Variants in SYTL4 observed in about 807,000 individuals in gnomAD.
The protein encoded by SYTL4 is synaptotagmin like 4, also known as synaptotagmin-like protein 4.
In SYTL4, 16 loss-of-function variants were observed where a neutral mutation model predicts 52.7. That is an observed-to-expected ratio of 0.30 (90% CI 0.21 to 0.46). The LOEUF is 0.46. SYTL4 is among the 20% of genes least tolerant of loss of function. The probability of loss-of-function intolerance (pLI) is 1.00; values close to 1 mark genes in which losing one functional copy is unlikely to be tolerated. For missense variants in SYTL4, 423 were observed against 519.9 expected (o/e 0.81, Z 1.81); for synonymous variants, 160 against 186.6 (o/e 0.86, Z 1.16).
At position 100,690,135 on chromosome X, in the gene SYTL4, A is replaced by T. The variant is rs551180010; in HGVS notation, c.748T>A (p.Phe250Ile). Reference protein sequence around the residue: ...ETQPGGQNVVFVDEGEMIFKK... With the variant: ...ETQPGGQNVVIVDEGEMIFKK... ...AATATCATCTCACCCTCATCCACAA[A>T]TACCACATTTTGACCTCCAGGCTGA... Residue 250 changes from phenylalanine to isoleucine, a missense_variant, in exon 11 of 20, where the codon TTT becomes ATT. Physicochemically the swap from Phe to Ile is conservative, Grantham distance 21. Transcript: ENST00000372989. 405 of 1,208,801 alleles carry T rather than the reference A, an allele frequency of 3.4e-4. No homozygotes were observed. In the South Asian group the frequency reaches 6.7e-3, roughly 20 times the overall value.
rs745568196 is a variant in SYTL4, at chrX:100,695,553, A to C, written c.540-4344T>G. On this transcript the variant is annotated intron_variant, in intron 8 of 19. Coordinates refer to ENST00000372989, the MANE Select transcript of SYTL4 (RefSeq NM_001370165.1). The stretch of plus-strand genomic sequence containing the variant: ...GGGGCCTCATCACCTGGAACGGATG[A>C]GTCACCCACCCAAGGCTGTGTAGAT... Among the ~76,000 whole-genome samples the C allele has an allele frequency of 4.8e-3, 541 of 111,955 alleles. 1 individual carries two copies. Among genetic ancestry groups the C allele is most frequent in the Non-Finnish European group, 7.8e-3 (415 of 53,122 alleles).
In SYTL4 at chrX:100,675,547, G is replaced by C. The variant is rs2083261765; in HGVS notation, c.*481C>G. On this transcript the variant is annotated 3_prime_UTR_variant, in exon 20 of 20. Coordinates refer to ENST00000372989, the MANE Select transcript of SYTL4 (RefSeq NM_001370165.1). Reference sequence around the variant, plus strand: ...AAGCATAAATTGGAGAGGAGAAAGAGGAAGGAACTACTCACCTCTCCCCAA... The same window carrying C: ...AAGCATAAATTGGAGAGGAGAAAGACGAAGGAACTACTCACCTCTCCCCAA... The C allele has an allele frequency of 8.9e-6, 1 of 112,247 alleles. No homozygotes were observed. Among genetic ancestry groups the C allele is most frequent in the Non-Finnish European group, 1.9e-5 (1 of 53,566 alleles). The allele number at this position is 112,247 out of a possible 1,213,427, so 9.3% of individuals were successfully genotyped here. A position where few individuals can be genotyped will look rare whatever the true frequency, so the allele number is the denominator to read the frequency against.
chrX:100,690,445 G>A (rs1602784166), intron 10 of SYTL4, 118 bp downstream of exon 10: 2 of 310,593 alleles, frequency 6.4e-6, no homozygotes, highest in South Asian at 4.8e-5. Flanking sequence ...AGGGAGGGAA[G>A]AAAGAGGAAG....
intron 2 of SYTL4, among the ~76,000 whole-genome samples, chrX:100,721,838 A>G (rs1224554643): frequency 9.4e-6 from 1 of 106,930 alleles, no homozygotes; most frequent in Non-Finnish European, 1.9e-5. Context: ...CTTTTTCTCT[A>G]TTGCTCTGGC....
intron 16 of SYTL4, chrX:100,685,356 AG>A (rs1320499782): frequency 8.9e-6 from 1 of 112,149 alleles, no homozygotes; most frequent in East Asian, 2.8e-4. Flanking sequence ...CTGATAATCA[AG>A]AAGTTGCTGA....
intron 9 of SYTL4, 73 bp from the exon 10 acceptor site, chrX:100,690,711 A>ATAGAGCTT: frequency 2.5e-6 from 2 of 814,696 alleles, no homozygotes; most frequent in Non-Finnish European, 3.5e-6. Flanking sequence ...TCAAAGCTCT[A>ATAGAGCTT]TGGAAGGAGA....
At chrX:100,731,194 G>A (rs2084636537) in intron 2 of SYTL4, among the ~76,000 whole-genome samples, 1 of 111,512 alleles carries the variant, frequency 9.0e-6, no homozygotes, top group African/African-American at 3.3e-5. Flanking sequence ...TTAAGGGTTG[G>A]AGGAACACCT....
rs2083557479 is a variant in SYTL4 at position 100,689,865 on chromosome X, A to G, written c.903T>C (p.Asn301=). The change falls in exon 12 of 20, where the codon AAT becomes AAC. Residue 301 remains asparagine, a synonymous_variant. Coordinates refer to ENST00000372989, the MANE Select transcript of SYTL4 (RefSeq NM_001370165.1). ...GDRSKSVPGL[N]VDMEEEEEEE... Reference sequence around the variant, plus strand: ...ATATAAGGGCACCTACCATATCCACATTGAGGCCTGGGACGGATTTGCTTC... The same window carrying G: ...ATATAAGGGCACCTACCATATCCACGTTGAGGCCTGGGACGGATTTGCTTC... The G allele has an allele frequency of 8.4e-7, 1 of 1,196,802 alleles. No homozygotes were observed. Among genetic ancestry groups the G allele is most frequent in the African/African-American group, 1.8e-5 (1 of 56,565 alleles).
At chrX:100,723,582 C>G (rs2084393274) in intron 2 of SYTL4, among the ~76,000 whole-genome samples, 1 of 111,007 alleles carries the variant, frequency 9.0e-6, no homozygotes, top group Non-Finnish European at 1.9e-5. Context: ...TGGCCGCCAT[C>G]CCATCTAGGA....
chrX:100,692,850 T>C, intron 8 of SYTL4, among the ~76,000 whole-genome samples: 1 of 111,518 alleles, frequency 9.0e-6, no homozygotes, highest in East Asian at 2.8e-4. Context: ...TCCTCCTCTC[T>C]ATCTAGAATT....
At chrX:100,703,267 G>C (rs748798389) in intron 3 of SYTL4, 82 bp from the exon 4 acceptor site, 1 of 111,345 alleles carries the variant, frequency 9.0e-6, no homozygotes, top group Non-Finnish European at 1.9e-5. Flanking sequence ...TGAAGTGGGA[G>C]GATTGTTTGA....
At chrX:100,720,005 T>C (rs2084308943) in intron 2 of SYTL4, among the ~76,000 whole-genome samples, 1 of 112,102 alleles carries the variant, frequency 8.9e-6, no homozygotes, top group South Asian at 3.7e-4. Flanking sequence ...TCAGCAACTC[T>C]AGAAGGTGCC....
intron 18 of SYTL4, chrX:100,678,816 T>C: frequency 2.5e-6 from 1 of 408,120 alleles, no homozygotes; most frequent in Non-Finnish European, 4.3e-6. Context: ...AGAAAATGAA[T>C]ATAATAGTAT....
At chrX:100,703,430 A>G (rs1028734038) in intron 3 of SYTL4, among the ~76,000 whole-genome samples, 1 of 112,089 alleles carries the variant, frequency 8.9e-6, no homozygotes, top group African/African-American at 3.2e-5. Context: ...AACATCTCTG[A>G]TGTTGCTTTT....
chrX:100,690,484 A>C, intron 10 of SYTL4, 79 bp downstream of exon 10: 1 of 770,844 alleles, frequency 1.3e-6, no homozygotes, highest in Non-Finnish European at 1.9e-6. Flanking sequence ...GAGGGAGGGA[A>C]AGACGGAGGG....
At position 100,691,092 on chromosome X, in the gene SYTL4, A is replaced by G. The variant is rs775795519; in HGVS notation, c.641+16T>C. On this transcript the variant is annotated intron_variant, in intron 9 of 19. Transcript: ENST00000372989. ...CTTGGGTTGAGAGGAGATGAGGGAA[A>G]TGGGGGGAACCCCACCTGGAGGTGC... 1.7e-6 allele frequency: 2 copies of G among 1,167,478 alleles called. No homozygotes were observed. The highest frequency in any genetic ancestry group is 4.5e-5 in the Admixed American group (2 of 44,059).
chrX:100,678,742 C>T, intron 18 of SYTL4, 143 bp from the exon 19 acceptor site: 1 of 487,616 alleles, frequency 2.1e-6, no homozygotes, highest in Non-Finnish European at 3.6e-6. Context: ...CTTGAATCTG[C>T]TGAAGCAGAG....
chrX:100,709,925 CTTTTGGGGTACAAGTAGT>C (rs2084035098), intron 2 of SYTL4, among the ~76,000 whole-genome samples: 1 of 111,306 alleles, frequency 9.0e-6, no homozygotes, highest in African/African-American at 3.3e-5. Context: ...ATTTCAATAG[CTTTTGGGGTACAAGTAGT>C]TTTTGGGTAC....
intron 1 of SYTL4, 139 bp downstream of exon 1, chrX:100,731,865 T>C (rs1418321273): frequency 1.9e-5 from 2 of 107,010 alleles, no homozygotes; most frequent in Non-Finnish European, 3.9e-5. Flanking sequence ...GAAGGAAAAA[T>C]TGGGGGACCA....
Sources: gnomAD v4.1 joint callset for allele counts (sites outside exome capture counted in the v4.1 genomes callset) on GRCh38, gnomAD v4.1.1 for gene constraint, MANE v1.5 for transcripts, NCBI Gene and HGNC (gene_info 2026-07-23, HGNC 2026-07-21) for gene names.